The following TTC7A variants were observed in gnomAD, a reference collection of about 807,000 sequenced individuals.
TTC7A encodes the protein tetratricopeptide repeat protein 7A.
TTC7A carries 110 observed loss-of-function variants against 103.7 expected under a neutral mutation model. The observed-to-expected ratio is 1.06, with a 90% CI of 0.91 to 1.24. The LOEUF (loss-of-function observed/expected upper bound fraction) is 1.24, where lower values mean the gene tolerates loss of function less well. TTC7A is among the 50% of genes most tolerant of loss of function. The pLI is 0.00. For missense variants in TTC7A, 1,340 were observed against 1,116.3 expected, an observed-to-expected ratio of 1.20 and a Z score of -2.86; for synonymous variants, 521 against 467.9, an observed-to-expected ratio of 1.11 and a Z score of -1.47.
intron 3 of TTC7A, among the ~76,000 whole-genome samples, chr2:46,957,533 C>G (rs1387682884): frequency 6.6e-6 from 1 of 152,178 alleles, no homozygotes; most frequent in East Asian, 1.9e-4. Context: ...GGCTGAGACC[C>G]AGTGATGAAC....
At chr2:47,048,412 G>T (rs373034724) in intron 16 of TTC7A, among the ~76,000 whole-genome samples, 2 of 152,190 alleles carry the variant, frequency 1.3e-5, no homozygotes, top group African/African-American at 2.4e-5. Flanking sequence ...CTCCATGCCA[G>T]CCCTGCACCA....
intron 3 of TTC7A, among the ~76,000 whole-genome samples, chr2:46,969,218 T>A (rs1572759725): frequency 8.5e-6 from 1 of 117,434 alleles, no homozygotes; most frequent in East Asian, 2.7e-4. Flanking sequence ...AAAAAAAAAA[T>A]CTGGGCCGGG....
intron 10 of TTC7A, 29 bp downstream of exon 10, chr2:47,006,753 A>T: frequency 6.5e-7 from 1 of 1,549,750 alleles, no homozygotes; most frequent in Admixed American, 1.7e-5. Flanking sequence ...TAGGGGTTGC[A>T]CACTCACCCG....
In TTC7A at chr2:47,070,489, G is replaced by A. The variant is rs558768959; in HGVS notation, c.2356-3213G>A. 3.9e-5 allele frequency among the ~76,000 whole-genome samples: 6 copies of A among 152,346 alleles called. No individual in the cohort carries two copies. The East Asian group carries it at 1.2e-3, about 29-fold the overall frequency. The stretch of plus-strand genomic sequence containing the variant: ...AGCCTTGTTGAGCTGCTGTCCTTTG[G>A]GGAATAACAAAGCAGGCAGGAGGCT... On this transcript the variant is annotated intron_variant, in intron 19 of 19. Coordinates refer to ENST00000319190, the MANE Select transcript of TTC7A (RefSeq NM_020458.4).
chr2:46,915,925 G>T (rs1157886143), upstream of TTC7A: 3 of 985,296 alleles, frequency 3.0e-6, no homozygotes, highest in Non-Finnish European at 3.6e-6. Context: ...GCTCGCGTGA[G>T]TCCACGTGTA....
At chr2:47,026,013 C>T (rs1438291557) in intron 14 of TTC7A, among the ~76,000 whole-genome samples, 1 of 152,276 alleles carries the variant, frequency 6.6e-6, no homozygotes, top group East Asian at 1.9e-4. Context: ...TCATCCCTCT[C>T]TGATGAATAG....
chr2:47,023,134 G>A (rs1020461523), intron 12 of TTC7A, among the ~76,000 whole-genome samples: 4 of 152,242 alleles, frequency 2.6e-5, no homozygotes, highest in African/African-American at 9.6e-5. Context: ...CCTGGGTGGG[G>A]TGCCCATGTC....
Position 47,037,140 on chromosome 2 carries a change from C to T in TTC7A, c.1802+7756C>T, listed in dbSNP as rs763334007. On this transcript the variant is annotated intron_variant, in intron 15 of 19. Transcript: ENST00000319190. ...GACCCCCTCAGGTCCACTTTGTCCC[C>T]GGAGCCCCTGTACTTCAAAGCTGAA... Among the ~76,000 whole-genome samples the T allele has an allele frequency of 1.4e-3, 219 of 152,314 alleles. 1 individual carries two copies. Among genetic ancestry groups the T allele is most frequent in the East Asian group, 7.7e-4 (4 of 5,186 alleles).
intron 3 of TTC7A, among the ~76,000 whole-genome samples, chr2:46,963,383 C>T (rs1006260791): frequency 6.6e-5 from 10 of 152,258 alleles, no homozygotes; most frequent in Non-Finnish European, 8.8e-5. Context: ...GGCCAGTATC[C>T]TGAAGTGTTC....
At chr2:46,936,883 G>T (rs1210178432), upstream of TTC7A, among the ~76,000 whole-genome samples, 52 of 141,536 alleles carry the variant, frequency 3.7e-4, no homozygotes, top group East Asian at 2.5e-3. Flanking sequence ...TTTTGAGATA[G>T]GCTCTCTGTC....
At chr2:47,018,207 G>A (rs1192694743) in intron 11 of TTC7A, among the ~76,000 whole-genome samples, 2 of 151,720 alleles carry the variant, frequency 1.3e-5, no homozygotes, top group Middle Eastern at 6.8e-3. Flanking sequence ...AACCTGGGAG[G>A]CAGAGGTTGC....
intron 10 of TTC7A, among the ~76,000 whole-genome samples, chr2:47,010,120 A>G (rs995990541): frequency 2.0e-5 from 3 of 152,130 alleles, no homozygotes; most frequent in Non-Finnish European, 4.4e-5. Context: ...TATCTGCATC[A>G]TAAGATTGCT....
intron 16 of TTC7A, among the ~76,000 whole-genome samples, chr2:47,047,598 T>C (rs1682455533): frequency 6.6e-6 from 1 of 152,238 alleles, no homozygotes; most frequent in Non-Finnish European, 1.5e-5. Context: ...GTGCACAACC[T>C]GGCTCCCTTC....
At chr2:47,027,186 G>C (rs766491451) in intron 14 of TTC7A, among the ~76,000 whole-genome samples, 5 of 152,196 alleles carry the variant, frequency 3.3e-5, no homozygotes, top group Admixed American at 1.3e-4. Context: ...AGCAGTGTGT[G>C]GGGGAGAGGA....
chr2:46,931,759 G>A (rs1422746130), intron 2 of TTC7A, among the ~76,000 whole-genome samples: 1 of 152,030 alleles, frequency 6.6e-6, no homozygotes, highest in Non-Finnish European at 1.5e-5. Context: ...ATGAGTAGTA[G>A]ATTTGAGAAG....
At chr2:46,957,096 A>T in intron 3 of TTC7A, 89 bp downstream of exon 3, 1 of 1,533,576 alleles carries the variant, frequency 6.5e-7, no homozygotes, top group Non-Finnish European at 9.0e-7. Flanking sequence ...TCGTGTCCAG[A>T]TTCTTCACCC....
chr2:47,041,330 G>A (rs779247198), intron 15 of TTC7A, among the ~76,000 whole-genome samples: 6 of 152,234 alleles, frequency 3.9e-5, no homozygotes, highest in Non-Finnish European at 7.3e-5. Flanking sequence ...GGAGGGCAGC[G>A]GGGCCCTGCC....
In TTC7A at chr2:46,941,888, G is replaced by A. The variant is rs899213127; in HGVS notation, c.184+163G>A. The A allele has an allele frequency of 3.4e-6, 3 of 876,038 alleles. No individual in the cohort carries two copies. Among genetic ancestry groups the A allele is most frequent in the East Asian group, 2.7e-5 (1 of 37,382 alleles). The allele number at this position is 876,038 out of a possible 1,614,324, so 54.3% of individuals were successfully genotyped here. A position where few individuals can be genotyped will look rare whatever the true frequency, so the allele number is the denominator to read the frequency against. Reference sequence around the variant, plus strand: ...GCAGTTAGGAAGGTCCTTCTGCCGCGAGAGAAAAATCACATGTGGTTTGGG... The same window carrying A: ...GCAGTTAGGAAGGTCCTTCTGCCGCAAGAGAAAAATCACATGTGGTTTGGG... On this transcript the variant is annotated intron_variant, in intron 1 of 19. Transcript: ENST00000319190. The surrounding 1 kb of genome is among the most constrained non-coding windows in gnomAD (Gnocchi z 4.2).
intron 19 of TTC7A, among the ~76,000 whole-genome samples, chr2:47,062,881 G>A (rs1287748949): frequency 6.6e-6 from 1 of 152,194 alleles, no homozygotes; most frequent in Non-Finnish European, 1.5e-5. Context: ...GATGAAATTA[G>A]AGCAAGTCAG....
Sources: allele counts gnomAD v4.1 joint callset (sites outside exome capture counted in the v4.1 genomes callset), GRCh38; gene constraint gnomAD v4.1.1; non-coding constraint Gnocchi (gnomAD v3.1); transcripts MANE v1.5; gene names NCBI Gene and HGNC (gene_info 2026-07-23, HGNC 2026-07-21).